The following PFKP variants were observed in gnomAD, a reference collection of about 807,000 sequenced individuals.
PFKP encodes the protein ATP-dependent 6-phosphofructokinase, platelet type.
In PFKP, 101 loss-of-function variants were observed where a neutral mutation model predicts 94.3. That is an observed-to-expected ratio of 1.07 (90% confidence interval 0.91 to 1.26). The LOEUF is 1.26. PFKP is among the 50% of genes most tolerant of loss of function. The pLI is 0.00. For missense variants in PFKP, 1,145 were observed against 1,103.3 expected, an observed-to-expected ratio of 1.04 and a Z score of -0.53; for synonymous variants, 573 against 432.6, an observed-to-expected ratio of 1.32 and a Z score of -4.03.
In PFKP at chr10:3,067,595, C is replaced by T. The variant is rs1245653693; in HGVS notation, c.-1C>T. On this transcript the variant is annotated 5_prime_UTR_variant, in exon 1 of 22. Coordinates refer to ENST00000381125, the MANE Select transcript of PFKP (RefSeq NM_002627.5). ...GTGCGGCTCCCCTCGGCCTCCTCGC[C>T]ATGGACGCGGACGACTCCCGGGCCC... 6.6e-7 allele frequency: 1 copy of T among 1,510,006 alleles called. No homozygotes were observed. Among genetic ancestry groups the T allele is most frequent in the Non-Finnish European group, 8.9e-7 (1 of 1,122,702 alleles). 93.5% of individuals were successfully genotyped at this position (1,510,006 alleles called of 1,614,324 possible).
chr10:3,113,029 T>C (rs1836412362), intron 11 of PFKP, 90 bp from the exon 12 acceptor site: 6 of 1,133,244 alleles, frequency 5.3e-6, no homozygotes, highest in Non-Finnish European at 7.7e-6. Context: ...ACACATTGAG[T>C]GCTGGCAGAT....
Position 3,136,604 on chromosome 10 carries a change from C to T in PFKP, c.*25C>T, listed in dbSNP as rs372918692. The T allele has an allele frequency of 3.7e-6, 6 of 1,611,274 alleles. No individual in the cohort carries two copies. Among genetic ancestry groups the T allele is most frequent in the Non-Finnish European group, 5.1e-6 (6 of 1,178,372 alleles). ...ACCCAGTCCCGCCTGCATGTGCCTG[C>T]AGCCACCGTGGACTGTCTGTTTTTG... is the stretch of plus-strand genomic sequence containing the variant. On this transcript the variant is annotated 3_prime_UTR_variant, in exon 22 of 22. Transcript: ENST00000381125.
chr10:3,129,930 G>C lies in PFKP; in HGVS notation c.1795G>C (p.Gly599Arg), dbSNP rs1838382425. The C allele has an allele frequency of 6.2e-7, 1 of 1,609,084 alleles. No individual in the cohort carries two copies. The highest frequency in any genetic ancestry group is 2.2e-5 in the East Asian group (1 of 44,782). The change falls in exon 17 of 22, where the codon GGA (glycine) becomes CGA (arginine). Residue 599 changes from glycine (G) to arginine (R), a missense_variant. Physicochemically the swap from Gly to Arg is moderately radical, Grantham distance 125. Around this residue, in one of 3 missense-constraint regions of PFKP, gnomAD observed 1,119 missense variants for 1,062.8 expected, o/e 1.05. Transcript: ENST00000381125. ...GGCCAACATGGGGGGGCTCGCGGCC[G>C]GAGCTGATGCCGCATACATTTTCGA... ...YLANMGGLAA[G>R]ADAAYIFEEP...
At chr10:3,135,964 T>G (rs1274839714) in intron 21 of PFKP, 126 bp downstream of exon 21, 3 of 655,906 alleles carry the variant, frequency 4.6e-6, no homozygotes, top group Non-Finnish European at 2.7e-6. Flanking sequence ...TGAAGCTCAG[T>G]TAAAAAAATA....
intron 2 of PFKP, among the ~76,000 whole-genome samples, chr10:3,083,943 A>G (rs55683557): frequency 0.22 from 32,987 of 152,170 alleles, 4,371 homozygotes; most frequent in East Asian, 0.35. Context: ...GCGCCCAGCC[A>G]ACTGTTGCTT....
At chr10:3,126,975 C>G (rs886445495) in intron 16 of PFKP, among the ~76,000 whole-genome samples, 1 of 152,248 alleles carries the variant, frequency 6.6e-6, no homozygotes, top group Non-Finnish European at 1.5e-5. Flanking sequence ...AGCCCTGGGA[C>G]ACAGCCCTCT....
chr10:3,075,718 C>T lies in PFKP; in HGVS notation c.113-6670C>T, dbSNP rs573095636. On this transcript the variant is annotated intron_variant, in intron 1 of 21. Coordinates refer to ENST00000381125, the MANE Select transcript of PFKP (RefSeq NM_002627.5). ...AGGAGTTTGAGGCCAGCCTGGGCAACATGGCAAGACCTAGTCTCTACAAAA... is the reference window on the plus strand; with the variant it reads ...AGGAGTTTGAGGCCAGCCTGGGCAATATGGCAAGACCTAGTCTCTACAAAA... 1.7e-3 allele frequency among the ~76,000 whole-genome samples: 259 copies of T among 150,712 alleles called. 1 individual carries two copies. The highest frequency in any genetic ancestry group is 6.8e-3 in the Middle Eastern group (2 of 294).
intron 17 of PFKP, 105 bp from the exon 18 acceptor site, chr10:3,132,275 C>G (rs528488888): frequency 1.1e-5 from 9 of 784,438 alleles, no homozygotes; most frequent in African/African-American, 6.8e-5. Flanking sequence ...TCCTTGGCCA[C>G]GCTCACTGCC....
chr10:3,121,803 C>CTTTTTTTTTT (rs759926178), intron 16 of PFKP, among the ~76,000 whole-genome samples: 481 of 32,552 alleles, frequency 0.015, 28 homozygotes, highest in African/African-American at 0.033. Flanking sequence ...CTTTTTTTTT[C>CTTTTTTTTTT]TTTTTTTTTT....
Position 3,119,833 on chromosome 10 carries a change from C to G in PFKP, c.1531-59C>G. ...AGGTGGCGCTCCCAGCCTCTCCCAG[C>G]GAGACCCTCTCCTCCCCAGCTTCCC... On this transcript the variant is annotated intron_variant, in intron 15 of 21. Transcript: ENST00000381125. 3.9e-6 allele frequency: 6 copies of G among 1,558,186 alleles called. No individual in the cohort carries two copies. The South Asian group carries it at 5.7e-5, about 15-fold the overall frequency.
At chr10:3,107,408 C>G (rs1315157156) in intron 8 of PFKP, 99 bp downstream of exon 8, 10 of 699,426 alleles carry the variant, frequency 1.4e-5, no homozygotes, top group Non-Finnish European at 2.2e-5. Flanking sequence ...GAATTATTAA[C>G]TTTTTATCCT....
chr10:3,083,074 A>T (rs150043796), intron 2 of PFKP, among the ~76,000 whole-genome samples: 1 of 152,302 alleles, frequency 6.6e-6, no homozygotes, highest in East Asian at 1.9e-4. Flanking sequence ...TCAACCAATG[A>T]TCTCTAATTG....
At chr10:3,123,006 G>A (rs1377537493) in intron 16 of PFKP, among the ~76,000 whole-genome samples, 1 of 152,216 alleles carries the variant, frequency 6.6e-6, no homozygotes. Flanking sequence ...ATGTGGTGAA[G>A]CCTCATCTTC....
At chr10:3,127,685 C>A (rs538512666) in intron 16 of PFKP, among the ~76,000 whole-genome samples, 1 of 152,306 alleles carries the variant, frequency 6.6e-6, no homozygotes, top group Admixed American at 6.5e-5. Flanking sequence ...GCTCTTTGGA[C>A]CCTTGACGGG....
chr10:3,075,219 C>T (rs534286097), intron 1 of PFKP, among the ~76,000 whole-genome samples: 4 of 152,270 alleles, frequency 2.6e-5, no homozygotes, highest in African/African-American at 9.6e-5. Flanking sequence ...AACCTTCCAG[C>T]CTGGGCGTTA....
intron 1 of PFKP, among the ~76,000 whole-genome samples, chr10:3,073,860 C>A (rs11251696): frequency 6.6e-6 from 1 of 151,830 alleles, no homozygotes; most frequent in African/African-American, 2.4e-5. Context: ...GTTTTTGAGA[C>A]GGGATCTTGC....
At chr10:3,106,156 G>A (rs917671036) in intron 7 of PFKP, among the ~76,000 whole-genome samples, 3 of 151,718 alleles carry the variant, frequency 2.0e-5, no homozygotes, top group East Asian at 1.9e-4. Flanking sequence ...TGGGAGGGCC[G>A]GGGAGGAGTG....
At chr10:3,097,347 G>A (rs1245059563) in intron 2 of PFKP, among the ~76,000 whole-genome samples, 2 of 152,030 alleles carry the variant, frequency 1.3e-5, no homozygotes, top group African/African-American at 2.4e-5. Flanking sequence ...GTGCAGAGGC[G>A]AGGTCTGCAT....
In PFKP at chr10:3,132,583, A is replaced by T. The variant is rs1218097552; in HGVS notation, c.1910+142A>T. ...CACACACTGAGCAGGTGCAGAAGAC[A>T]GCTGTGGTGCATTGCTCTAAAGGCT... On this transcript the variant is annotated intron_variant, in intron 18 of 21. Transcript: ENST00000381125. 12 of 630,110 alleles carry T rather than the reference A, an allele frequency of 1.9e-5. No individual in the cohort carries two copies. In the East Asian group the frequency reaches 3.3e-4, roughly 17 times the overall value. 39.0% of individuals were successfully genotyped at this position (630,110 alleles called of 1,614,324 possible). A position where few individuals can be genotyped will look rare whatever the true frequency, so the allele number is the denominator to read the frequency against.
Sources: allele counts gnomAD v4.1 joint callset (sites outside exome capture counted in the v4.1 genomes callset), GRCh38; gene constraint gnomAD v4.1.1; regional missense constraint gnomAD v4.1.1; transcripts MANE v1.5; gene names NCBI Gene and HGNC (gene_info 2026-07-23, HGNC 2026-07-21).